The following RCAN2 variants were observed in gnomAD, a reference collection of about 807,000 sequenced individuals.
RCAN2 encodes the protein regulator of calcineurin 2, also known as calcipressin-2.
RCAN2 carries 9 observed loss-of-function variants against 23.6 expected under a neutral mutation model. The observed-to-expected ratio is 0.38, with a 90% CI of 0.23 to 0.67. The LOEUF (loss-of-function observed/expected upper bound fraction) is 0.67, where lower values mean the gene tolerates loss of function less well. Ranked by LOEUF, RCAN2 falls within the 30% of genes least tolerant of loss-of-function variation. The probability of loss-of-function intolerance (pLI) is 0.51; values close to 1 mark genes in which losing one functional copy is unlikely to be tolerated. For synonymous variants in RCAN2, 109 were observed against 115.7 expected (o/e 0.94, Z 0.37); for missense variants, 273 against 302.3 (o/e 0.90, Z 0.72).
chr6:46,379,478 T>A (rs1024290660), intron 2 of RCAN2, among the ~76,000 whole-genome samples: 6 of 152,232 alleles, frequency 3.9e-5, no homozygotes, highest in African/African-American at 7.2e-5. Flanking sequence ...GGAAGGTTTT[T>A]AAAATATATT....
At chr6:46,251,793 A>T (rs1766732845) in intron 2 of RCAN2, among the ~76,000 whole-genome samples, 1 of 152,032 alleles carries the variant, frequency 6.6e-6, no homozygotes, top group Non-Finnish European at 1.5e-5. Flanking sequence ...GTTCCCACTG[A>T]TCCTCAATAG....
intron 2 of RCAN2, among the ~76,000 whole-genome samples, chr6:46,440,636 G>A (rs1202810466): frequency 6.6e-6 from 1 of 151,798 alleles, no homozygotes; most frequent in African/African-American, 2.4e-5. Flanking sequence ...TAGTATATAA[G>A]AAATAAAATA....
chr6:46,445,719 C>T (rs763705660), intron 2 of RCAN2, among the ~76,000 whole-genome samples: 6 of 151,908 alleles, frequency 3.9e-5, no homozygotes, highest in Middle Eastern at 3.4e-3. Context: ...AACCAAAATA[C>T]GAGATGTTGA....
At chr6:46,424,417 G>A (rs9381448) in intron 2 of RCAN2, among the ~76,000 whole-genome samples, 62,100 of 151,942 alleles carry the variant, frequency 0.41, 15,661 homozygotes, top group East Asian at 0.59. Flanking sequence ...TGCCTCTGAA[G>A]CAAAGGGCAT....
chr6:46,383,168 AGT>A (rs71305761), intron 2 of RCAN2, among the ~76,000 whole-genome samples: 9,146 of 139,180 alleles, frequency 0.066, 329 homozygotes, highest in South Asian at 0.15. Flanking sequence ...CAGCCTGGGT[AGT>A]GTGTGTGTGT....
chr6:46,389,261 C>T (rs775551745), intron 2 of RCAN2, among the ~76,000 whole-genome samples: 2 of 152,210 alleles, frequency 1.3e-5, no homozygotes, highest in East Asian at 1.9e-4. Flanking sequence ...TCTTTCTTTG[C>T]ATTCTGATGA....
In RCAN2 at chr6:46,456,891, C is replaced by A. The variant is rs1412425781; in HGVS notation, c.86G>T (p.Cys29Phe). The A allele has an allele frequency of 6.4e-7, 1 of 1,550,682 alleles. No homozygotes were observed. The highest frequency in any genetic ancestry group is 2.0e-5 in the Admixed American group (1 of 51,010). ...VPEDGGLFLL[C>F]CIDRDWAVTR... ...GACAGCCCAGTCCCTGTCTATGCAG[C>A]ACAGTAAGAAAAGTCCTCCATCTTC... Residue 29 changes from cysteine to phenylalanine, a missense_variant, in exon 2 of 5, where the codon TGC (cysteine) becomes TTC (phenylalanine). Transcript: ENST00000371374.
chr6:46,383,887 G>T (rs545740025), intron 2 of RCAN2, among the ~76,000 whole-genome samples: 1 of 151,964 alleles, frequency 6.6e-6, no homozygotes, highest in South Asian at 2.1e-4. Context: ...TTTTTCTGCT[G>T]ATCATTTTCT....
chr6:46,309,461 C>T (rs1429350766), intron 2 of RCAN2, among the ~76,000 whole-genome samples: 1 of 152,164 alleles, frequency 6.6e-6, no homozygotes, highest in Non-Finnish European at 1.5e-5. Context: ...CCCATTTTCT[C>T]CTTTCTTCTA....
intron 2 of RCAN2, among the ~76,000 whole-genome samples, chr6:46,418,880 G>C (rs889520253): frequency 2.6e-5 from 4 of 151,616 alleles, no homozygotes; most frequent in Admixed American, 1.3e-4. Context: ...ACAAGGTCAG[G>C]AGATCAAGAC....
intron 2 of RCAN2, among the ~76,000 whole-genome samples, chr6:46,456,396 T>G (rs1366721856): frequency 1.3e-5 from 2 of 152,190 alleles, no homozygotes; most frequent in Non-Finnish European, 2.9e-5. Flanking sequence ...AAAGGCAAAT[T>G]ATATTTATGG....
chr6:46,398,749 G>T (rs1320009212), intron 2 of RCAN2, among the ~76,000 whole-genome samples: 2 of 151,980 alleles, frequency 1.3e-5, no homozygotes, highest in Non-Finnish European at 2.9e-5. Context: ...TGCCAAACTC[G>T]AAAGAACTTG....
At chr6:46,232,377 A>C (rs920631434) in intron 4 of RCAN2, among the ~76,000 whole-genome samples, 1 of 152,240 alleles carries the variant, frequency 6.6e-6, no homozygotes, top group African/African-American at 2.4e-5. Flanking sequence ...GAAATCTACA[A>C]CAAACCAGCT....
intron 2 of RCAN2, among the ~76,000 whole-genome samples, chr6:46,387,742 C>A (rs983012521): frequency 1.3e-5 from 2 of 152,170 alleles, no homozygotes; most frequent in African/African-American, 4.8e-5. Flanking sequence ...ACCCAGCGAT[C>A]CCATTATTGG....
At chr6:46,237,440 G>A (rs934230512) in intron 4 of RCAN2, among the ~76,000 whole-genome samples, 7 of 152,092 alleles carry the variant, frequency 4.6e-5, no homozygotes, top group South Asian at 2.1e-4. Context: ...CTCATATTAC[G>A]GGTGAATTCT....
At chr6:46,427,714 A>G (rs1324422200) in intron 2 of RCAN2, among the ~76,000 whole-genome samples, 1 of 152,230 alleles carries the variant, frequency 6.6e-6, no homozygotes, top group Non-Finnish European at 1.5e-5. Flanking sequence ...CTGTATTGAC[A>G]TACAACCATC....
chr6:46,290,137 A>AG (rs1048511930), intron 2 of RCAN2, among the ~76,000 whole-genome samples: 10 of 151,610 alleles, frequency 6.6e-5, no homozygotes, highest in Non-Finnish European at 1.0e-4. Flanking sequence ...ACAGTGATGC[A>AG]GAAAAAAAAA....
At chr6:46,429,860 C>A (rs991683735) in intron 2 of RCAN2, among the ~76,000 whole-genome samples, 1 of 152,102 alleles carries the variant, frequency 6.6e-6, no homozygotes, top group African/African-American at 2.4e-5. Context: ...AGGAGGGATG[C>A]GGCTGGCAGT....
intron 2 of RCAN2, among the ~76,000 whole-genome samples, chr6:46,375,717 G>T (rs774107834): frequency 6.6e-6 from 1 of 152,184 alleles, no homozygotes; most frequent in Admixed American, 6.5e-5. Flanking sequence ...TCTGTCGAAC[G>T]ATTCAACTTT....
Sources: gnomAD v4.1 joint callset for allele counts (sites outside exome capture counted in the v4.1 genomes callset) on GRCh38, gnomAD v4.1.1 for gene constraint, MANE v1.5 for transcripts, NCBI Gene and HGNC (gene_info 2026-07-23, HGNC 2026-07-21) for gene names.